Variants in RBFOX1 observed in about 807,000 individuals in gnomAD.
The protein encoded by RBFOX1 is RNA binding fox-1 homolog 1.
RBFOX1 carries 8 observed loss-of-function variants against 57.7 expected under a neutral mutation model. That is an observed-to-expected ratio of 0.14 (90% CI 0.08 to 0.25). RBFOX1 has a LOEUF of 0.25. Ranked by LOEUF, RBFOX1 falls within the 10% of genes least tolerant of loss-of-function variation. The probability of loss-of-function intolerance (pLI) is 1.00; values close to 1 mark genes in which losing one functional copy is unlikely to be tolerated. For synonymous variants in RBFOX1, 326 were observed against 222.4 expected, an observed-to-expected ratio of 1.47 and a Z score of -4.15; for missense variants, 611 against 548.5, an observed-to-expected ratio of 1.11 and a Z score of -1.14.
chr16:6,768,927 C>A (rs1261818659), intron 3 of RBFOX1, among the ~76,000 whole-genome samples: 3 of 151,966 alleles, frequency 2.0e-5, no homozygotes, highest in African/African-American at 7.2e-5. Flanking sequence ...TGGGGTTTCA[C>A]CATGTTGGCC....
intron 3 of RBFOX1, among the ~76,000 whole-genome samples, chr16:6,971,974 C>A (rs1250613703): frequency 6.6e-6 from 1 of 152,078 alleles, no homozygotes; most frequent in Non-Finnish European, 1.5e-5. Context: ...GAGTCCGTGC[C>A]ACAGGCAATC....
chr16:7,607,113 T>C (rs1302397225), intron 9 of RBFOX1, among the ~76,000 whole-genome samples, 172 bp from the exon 10 acceptor site: 1 of 152,146 alleles, frequency 6.6e-6, no homozygotes, highest in African/African-American at 2.4e-5. Flanking sequence ...GGCATAAATA[T>C]ATTTTCTTAT....
At chr16:5,856,573 G>GTATATATATATATA (rs1173432604) in intron 3 of RBFOX1, among the ~76,000 whole-genome samples, 1 of 25,552 alleles carries the variant, frequency 3.9e-5, no homozygotes, top group Non-Finnish European at 7.8e-5. Flanking sequence ...ATGTGTGTGT[G>GTATATATATATATA]TGTATATATA....
At chr16:7,710,278 T>G in intron 15 of RBFOX1, 1 of 1,116,564 alleles carries the variant, frequency 9.0e-7, no homozygotes, top group Non-Finnish European at 1.1e-6. Flanking sequence ...AGAGTTGAAT[T>G]ACATTCAACA....
chr16:5,418,299 G>C (rs796341133), intron 1 of RBFOX1, among the ~76,000 whole-genome samples: 20 of 151,956 alleles, frequency 1.3e-4, no homozygotes, highest in African/African-American at 4.8e-4. Flanking sequence ...GATAGAGTAG[G>C]CAGCCTGAGC....
At chr16:7,178,877 T>C (rs981268199) in intron 4 of RBFOX1, among the ~76,000 whole-genome samples, 1 of 152,172 alleles carries the variant, frequency 6.6e-6, no homozygotes, top group Admixed American at 6.5e-5. Flanking sequence ...CCTGTACTGA[T>C]CCAGTTTGGT....
intron 3 of RBFOX1, among the ~76,000 whole-genome samples, chr16:7,036,287 A>G (rs924931892): frequency 6.6e-6 from 1 of 150,894 alleles, no homozygotes; most frequent in African/African-American, 2.4e-5. Flanking sequence ...ATGTGGATTT[A>G]CAGTGTCCCA....
At chr16:7,214,867 CA>C (rs1490559574) in intron 4 of RBFOX1, among the ~76,000 whole-genome samples, 2 of 152,110 alleles carry the variant, frequency 1.3e-5, no homozygotes, top group Non-Finnish European at 2.9e-5. Context: ...GTGTCTGTCT[CA>C]CAGTGAAAGA....
At chr16:6,396,085 A>C (rs1178062811) in intron 2 of RBFOX1, among the ~76,000 whole-genome samples, 1 of 151,614 alleles carries the variant, frequency 6.6e-6, no homozygotes, top group African/African-American at 2.4e-5. Context: ...AAAAAAAAAA[A>C]AAGGACAACT....
intron 1 of RBFOX1, among the ~76,000 whole-genome samples, chr16:6,164,706 G>C (rs1008970110): frequency 6.6e-6 from 1 of 151,834 alleles, no homozygotes; most frequent in Non-Finnish European, 1.5e-5. Flanking sequence ...TCGAATTTCT[G>C]ACCTCTGGTG....
At chr16:5,284,885 T>G (rs2063356490) in intron 1 of RBFOX1, among the ~76,000 whole-genome samples, 1 of 151,820 alleles carries the variant, frequency 6.6e-6, no homozygotes, top group East Asian at 1.9e-4. Context: ...TTTCTCTTGC[T>G]GTTTTTAGAA....
intron 3 of RBFOX1, among the ~76,000 whole-genome samples, chr16:6,698,377 A>C (rs2061355164): frequency 6.6e-6 from 1 of 152,206 alleles, no homozygotes; most frequent in Non-Finnish European, 1.5e-5. Context: ...AAGAGAACAC[A>C]ATGGATGGTT....
intron 1 of RBFOX1, among the ~76,000 whole-genome samples, chr16:6,081,419 C>G (rs950844292): frequency 6.6e-6 from 1 of 152,150 alleles, no homozygotes; most frequent in Non-Finnish European, 1.5e-5. Flanking sequence ...TTTGCCTACA[C>G]ATTTTGAGAC....
At chr16:6,987,418 A>C (rs1005848739) in intron 3 of RBFOX1, among the ~76,000 whole-genome samples, 3 of 150,260 alleles carry the variant, frequency 2.0e-5, no homozygotes, top group African/African-American at 7.4e-5. Context: ...CTCCCGAGCC[A>C]CTAGGCTTAT....
At chr16:6,526,727 G>T (rs1456718580) in intron 2 of RBFOX1, among the ~76,000 whole-genome samples, 1 of 150,736 alleles carries the variant, frequency 6.6e-6, no homozygotes, top group African/African-American at 2.4e-5. Flanking sequence ...CTACTAGGGA[G>T]GCTGAGGCAG....
chr16:6,722,154 G>A (rs1160651912), intron 3 of RBFOX1, among the ~76,000 whole-genome samples: 1 of 152,078 alleles, frequency 6.6e-6, no homozygotes, highest in Non-Finnish European at 1.5e-5. Context: ...CCATTCCTGT[G>A]GTACATACCC....
chr16:7,699,939 A>G (rs891859960), intron 14 of RBFOX1, among the ~76,000 whole-genome samples: 7 of 152,146 alleles, frequency 4.6e-5, no homozygotes, highest in Non-Finnish European at 1.0e-4. Context: ...ATGTTGTGAC[A>G]GATAATCTGG....
At chr16:7,284,473 G>A (rs2095609755) in intron 4 of RBFOX1, among the ~76,000 whole-genome samples, 1 of 152,132 alleles carries the variant, frequency 6.6e-6, no homozygotes, top group Non-Finnish European at 1.5e-5. Flanking sequence ...TGGGACCACA[G>A]GCACTCACCA....
chr16:7,708,979 G>A (rs2083393508), intron 14 of RBFOX1, 77 bp from the exon 15 acceptor site: 23 of 1,379,434 alleles, frequency 1.7e-5, no homozygotes, highest in Non-Finnish European at 2.3e-5. Flanking sequence ...TACTGTCTTG[G>A]TATTTTGGAT....
Sources: allele counts gnomAD v4.1 joint callset (sites outside exome capture counted in the v4.1 genomes callset), GRCh38; gene constraint gnomAD v4.1.1; transcripts MANE v1.5; gene names NCBI Gene and HGNC (gene_info 2026-07-23, HGNC 2026-07-21).